Variants in VRK2 observed in about 807,000 individuals in gnomAD.
VRK2 encodes the protein serine/threonine-protein kinase VRK2.
A neutral mutation model predicts 57.6 loss-of-function variants in VRK2; 60 were observed. That is an observed-to-expected ratio of 1.04 (90% CI 0.85 to 1.29). The LOEUF is 1.29. Among genes scored for constraint, VRK2 ranks in the 50% most tolerant of loss-of-function variants. VRK2 has a pLI of 0.00. For missense variants in VRK2, 705 were observed against 588.1 expected, an observed-to-expected ratio of 1.20 and a Z score of -2.06; for synonymous variants, 231 against 199.2, an observed-to-expected ratio of 1.16 and a Z score of -1.35.
At chr2:57,938,066 G>A (rs972031535) in intron 1 of VRK2, among the ~76,000 whole-genome samples, 4 of 151,948 alleles carry the variant, frequency 2.6e-5, no homozygotes, top group Non-Finnish European at 5.9e-5. Context: ...TCCTGTCCTC[G>A]TGATCCACCC....
chr2:57,971,885 A>T (rs1404382972), intron 1 of VRK2, among the ~76,000 whole-genome samples: 1 of 151,914 alleles, frequency 6.6e-6, no homozygotes, highest in Middle Eastern at 3.2e-3. Flanking sequence ...GGTAATTGGT[A>T]AGATTTTTAA....
intron 2 of VRK2, among the ~76,000 whole-genome samples, chr2:58,069,584 C>T (rs991093500): frequency 2.0e-5 from 3 of 151,980 alleles, no homozygotes; most frequent in African/African-American, 4.8e-5. Context: ...TATTAGATAC[C>T]ACTCTCTTTT....
At chr2:58,056,105 G>A (rs368178790) in intron 2 of VRK2, among the ~76,000 whole-genome samples, 83 of 148,936 alleles carry the variant, frequency 5.6e-4, no homozygotes, top group African/African-American at 1.6e-3. Context: ...CCCCCTAAAA[G>A]AGGGCACGCT....
At chr2:58,055,872 ATCT>A (rs1160285529) in intron 2 of VRK2, among the ~76,000 whole-genome samples, 2 of 152,180 alleles carry the variant, frequency 1.3e-5, no homozygotes, top group East Asian at 1.9e-4. Context: ...AATGCAGAAA[ATCT>A]TCTGAGTTTT....
rs781768351 is a variant in VRK2, at chr2:58,086,325, ATTTGTC to A, written c.257-8_257-3del. ...ATAACATGAATCTTTTTAAAAATAAATTTGTCTTTGTAGTCAAAAAGTGGATAGAAC... is the reference window on the plus strand; with the variant it reads ...ATAACATGAATCTTTTTAAAAATAAATTTGTAGTCAAAAAGTGGATAGAAC... On this transcript the variant is annotated splice_polypyrimidine_tract_variant and splice_region_variant and intron_variant, in intron 4 of 12. Transcript: ENST00000340157. 7 of 1,582,666 alleles carry A rather than the reference ATTTGTC, an allele frequency of 4.4e-6. No homozygotes were observed. The highest frequency in any genetic ancestry group is 4.5e-5 in the East Asian group (2 of 44,050).
chr2:58,044,648 G>A (rs1674602967), upstream of VRK2, among the ~76,000 whole-genome samples: 1 of 152,170 alleles, frequency 6.6e-6, no homozygotes, highest in Admixed American at 6.5e-5. Flanking sequence ...GTTTAGGAAA[G>A]GTCTCACTGA....
At chr2:58,052,520 T>C (rs1675901417) in intron 2 of VRK2, among the ~76,000 whole-genome samples, 1 of 151,732 alleles carries the variant, frequency 6.6e-6, no homozygotes, top group Non-Finnish European at 1.5e-5. Context: ...TGAGAATTGC[T>C]TGAACCTGGG....
chr2:57,985,478 C>A (rs777494578), intron 1 of VRK2, among the ~76,000 whole-genome samples: 1 of 152,052 alleles, frequency 6.6e-6, no homozygotes, highest in Non-Finnish European at 1.5e-5. Flanking sequence ...GCCAACCACT[C>A]TTTTGACATT....
Position 57,982,631 on chromosome 2 carries a change from G to T in VRK2, c.-438-43034G>T, listed in dbSNP as rs192973044. Among the ~76,000 whole-genome samples the T allele has an allele frequency of 2.8e-4, 43 of 152,302 alleles. No homozygotes were observed. The East Asian group carries it at 7.3e-3, about 26-fold the overall frequency. On this transcript the variant is annotated intron_variant, in intron 1 of 15. Transcript: ENST00000417641. ...GAGCTACAGGAGTGGCCAGTGGCAA[G>T]CTGAGGCTGCCCTGCAAGCAGGTGC...
intron 2 of VRK2, among the ~76,000 whole-genome samples, chr2:58,055,457 G>T (rs1160279578): frequency 6.6e-6 from 1 of 152,170 alleles, no homozygotes; most frequent in Non-Finnish European, 1.5e-5. Context: ...GCTGTGTCAG[G>T]CAAAATCCTG....
intron 12 of VRK2, among the ~76,000 whole-genome samples, chr2:58,150,751 C>G (rs1445209310): frequency 2.7e-5 from 4 of 150,596 alleles, no homozygotes; most frequent in Admixed American, 6.6e-5. Flanking sequence ...CATTTTTTTT[C>G]TAACGTATAT....
At chr2:58,002,948 A>G (rs957037881) in intron 1 of VRK2, among the ~76,000 whole-genome samples, 1 of 152,232 alleles carries the variant, frequency 6.6e-6, no homozygotes, top group African/African-American at 2.4e-5. Flanking sequence ...ATGCCCATCA[A>G]GTAAATTCAT....
chr2:58,029,776 C>T (rs1052683178), intron 2 of VRK2, among the ~76,000 whole-genome samples: 1 of 152,106 alleles, frequency 6.6e-6, no homozygotes, highest in South Asian at 2.1e-4. Flanking sequence ...ATCTTTGACT[C>T]ATCCTACATT....
chr2:57,956,271 G>C (rs556820922), intron 1 of VRK2, among the ~76,000 whole-genome samples: 4 of 152,228 alleles, frequency 2.6e-5, no homozygotes, highest in Non-Finnish European at 5.9e-5. Context: ...TGTAGTACTA[G>C]TTACTTGGGA....
intron 1 of VRK2, among the ~76,000 whole-genome samples, chr2:57,984,592 G>C (rs991443072): frequency 2.0e-5 from 3 of 152,010 alleles, no homozygotes; most frequent in Non-Finnish European, 4.4e-5. Flanking sequence ...GAAGATCCTT[G>C]TTTAACATAA....
At chr2:58,004,932 G>A (rs1293534073) in intron 1 of VRK2, among the ~76,000 whole-genome samples, 1 of 152,124 alleles carries the variant, frequency 6.6e-6, no homozygotes, top group Admixed American at 6.5e-5. Context: ...TGCAGTTACA[G>A]TGAATGTAGA....
intron 7 of VRK2, among the ~76,000 whole-genome samples, chr2:58,098,936 T>TATC (rs1334639210): frequency 2.0e-5 from 3 of 152,076 alleles, no homozygotes; most frequent in Admixed American, 1.3e-4. Flanking sequence ...AGGTAGATAT[T>TATC]ATCCTCTTGG....
At chr2:58,129,914 A>C (rs997222908) in intron 8 of VRK2, among the ~76,000 whole-genome samples, 6 of 152,204 alleles carry the variant, frequency 3.9e-5, no homozygotes, top group Non-Finnish European at 8.8e-5. Context: ...GGTAGTTATT[A>C]ATACCGATGT....
At chr2:58,031,794 A>G (rs751514160) in intron 2 of VRK2, among the ~76,000 whole-genome samples, 3 of 152,092 alleles carry the variant, frequency 2.0e-5, no homozygotes, top group Non-Finnish European at 2.9e-5. Context: ...ATCTGCTCAG[A>G]TGTGGAACAC....
Sources: allele counts gnomAD v4.1 joint callset (sites outside exome capture counted in the v4.1 genomes callset), GRCh38; gene constraint gnomAD v4.1.1; transcripts MANE v1.5; gene names NCBI Gene and HGNC (gene_info 2026-07-23, HGNC 2026-07-21).